HTR1A: variants seen among roughly 807,000 people sequenced by gnomAD.
The protein encoded by HTR1A is 5-HT1a receptor.
A neutral mutation model predicts 24.6 loss-of-function variants in HTR1A; 17 were observed. That is an observed-to-expected ratio of 0.69 (90% CI 0.47 to 1.04). The LOEUF (loss-of-function observed/expected upper bound fraction) is 1.04. Among genes scored for constraint, HTR1A ranks in the 50% least tolerant of loss-of-function variants. The pLI is 0.00. For synonymous variants in HTR1A, 262 were observed against 244.6 expected (o/e 1.07, Z -0.67); for missense variants, 515 against 565.1 (o/e 0.91, Z 0.90).
chr5:63,961,668 G>A lies in HTR1A; in HGVS notation c.52C>T (p.Pro18Ser), dbSNP rs769995349. 2.5e-5 allele frequency: 41 copies of A among 1,613,710 alleles called. No homozygotes were observed. The highest frequency in any genetic ancestry group is 3.4e-5 in the Non-Finnish European group (40 of 1,180,052). ...GTAGTGTTGCCGCCGGTCTCAAAGG[G>A]AGCCGGTGGTGATGTGGTGTTGTTG... Reference protein sequence around the residue: ...QGNNTTSPPAPFETGGNTTGI... With the variant: ...QGNNTTSPPASFETGGNTTGI... The change falls in exon 1 of 1, where the codon CCC becomes TCC. Residue 18 changes from proline to serine, a missense_variant. Pro to Ser is a moderately conservative substitution (Grantham distance 74). This residue lies in a region of HTR1A where 54 missense variants were observed against 49.8 expected (regional missense o/e 1.08). Coordinates refer to ENST00000323865, the MANE Select transcript of HTR1A (RefSeq NM_000524.4).
At position 63,961,184 on chromosome 5, in the gene HTR1A, T is replaced by C; in HGVS notation, c.536A>G (p.Glu179Gly). 2 of 1,614,074 alleles carry C rather than the reference T, an allele frequency of 1.2e-6. No homozygotes were observed. Among genetic ancestry groups the C allele is most frequent in the Non-Finnish European group, 1.7e-6 (2 of 1,180,024 alleles). ...GCATGCGTCGGGGTCCGAGCGGTCT[T>C]CCGGGGTGCGCCAGCCCAGCATGGG... ...IPPMLGWRTP[E>G]DRSDPDACTI... Residue 179 changes from glutamate to glycine, a missense_variant, in exon 1 of 1, where the codon GAA becomes GGA. Coordinates refer to ENST00000323865, the MANE Select transcript of HTR1A (RefSeq NM_000524.4).
At position 63,959,216 on chromosome 5, in the gene HTR1A, C is replaced by T. The variant is rs1345305646; in HGVS notation, c.*1235G>A. Among the ~76,000 whole-genome samples the T allele has an allele frequency of 6.6e-6, 1 of 152,244 alleles. No homozygotes were observed. ...TGGGGGAGCCAGCTGGAGCCTTGGGCACGCGCGCCCTGGGGAACCTTTCCT... is the reference window on the plus strand; with the variant it reads ...TGGGGGAGCCAGCTGGAGCCTTGGGTACGCGCGCCCTGGGGAACCTTTCCT... On this transcript the variant is annotated 3_prime_UTR_variant, in exon 1 of 1. Coordinates refer to ENST00000323865, the MANE Select transcript of HTR1A (RefSeq NM_000524.4).
Position 63,962,272 on chromosome 5 carries a change from CT to C in HTR1A, c.-554del. 1 of 182,574 alleles carries C rather than the reference CT, an allele frequency of 5.5e-6. No individual in the cohort carries two copies. The highest frequency in any genetic ancestry group is 1.2e-5 in the Non-Finnish European group (1 of 85,472). The allele number at this position is 182,574 out of a possible 1,614,324, so 11.3% of individuals were successfully genotyped here. ...CTTTCAGTCTCCCTCTTCCTCCTCA[CT>C]TCCCTTTATTTATCCCTCTGTGAGT... On this transcript the variant is annotated 5_prime_UTR_variant, in exon 1 of 1. Coordinates refer to ENST00000323865, the MANE Select transcript of HTR1A (RefSeq NM_000524.4).
Position 63,961,006 on chromosome 5 carries a change from C to A in HTR1A, c.714G>T (p.Ala238=). ...CGGGAGATGCTCCATGGCGGGTGTC[C>A]GCTCCGGTCTTCTCCACCTTTTTGA... is the stretch of plus-strand genomic sequence containing the variant. ...KTVKKVEKTG[A]DTRHGASPAP... Residue 238 remains alanine, a synonymous_variant, in exon 1 of 1, where the codon GCG becomes GCT. Coordinates refer to ENST00000323865, the MANE Select transcript of HTR1A (RefSeq NM_000524.4). 1.9e-6 allele frequency: 3 copies of A among 1,614,076 alleles called. No individual in the cohort carries two copies. Among genetic ancestry groups the A allele is most frequent in the Non-Finnish European group, 2.5e-6 (3 of 1,180,032 alleles).
Position 63,958,441 on chromosome 5 carries a change from TC to T in HTR1A, c.*2009del, listed in dbSNP as rs1467601375. Among the ~76,000 whole-genome samples the T allele has an allele frequency of 6.6e-6, 1 of 152,228 alleles. No individual in the cohort carries two copies. Among genetic ancestry groups the T allele is most frequent in the African/African-American group, 2.4e-5 (1 of 41,450 alleles). Reference sequence around the variant, plus strand: ...AAAATGGCTTCAACTGACAGAGCTGTCCTTTCACTTTCTTAATTATAAACAA... The same window carrying T: ...AAAATGGCTTCAACTGACAGAGCTGTCTTTCACTTTCTTAATTATAAACAA... On this transcript the variant is annotated 3_prime_UTR_variant, in exon 1 of 1. Transcript: ENST00000323865.
chr5:63,962,183 C>G lies in HTR1A; in HGVS notation c.-464G>C. 1 of 229,388 alleles carries G rather than the reference C, an allele frequency of 4.4e-6. No individual in the cohort carries two copies. Among genetic ancestry groups the G allele is most frequent in the South Asian group, 5.9e-5 (1 of 16,902 alleles). The allele number at this position is 229,388 out of a possible 1,614,324, so 14.2% of individuals were successfully genotyped here. The stretch of plus-strand genomic sequence containing the variant: ...CTATTTCCTTCCTTCCCTCTCTCCC[C>G]CTCTCTCCTCCTCTCTTCTCTCTCT... On this transcript the variant is annotated 5_prime_UTR_variant, in exon 1 of 1. Coordinates refer to ENST00000323865, the MANE Select transcript of HTR1A (RefSeq NM_000524.4).
chr5:63,960,877 C>A lies in HTR1A; in HGVS notation c.843G>T (p.Val281=). The A allele has an allele frequency of 6.2e-7, 1 of 1,614,030 alleles. No individual in the cohort carries two copies. The highest frequency in any genetic ancestry group is 2.2e-5 in the East Asian group (1 of 44,848). The change falls in exon 1 of 1, where the codon GTG becomes GTT. Residue 281 remains valine (V), a synonymous_variant. Transcript: ENST00000323865. The stretch of plus-strand genomic sequence containing the variant: ...GGGCGGCGCCATCGTCACCTTGCCT[C>A]ACCGCGCCATTGGCGCACAGAGCAC... ...AGGALCANGA[V]RQGDDGAALE...
chr5:63,961,203 G>C lies in HTR1A; in HGVS notation c.517C>G (p.Leu173Val). The C allele has an allele frequency of 6.2e-7, 1 of 1,614,148 alleles. No homozygotes were observed. The highest frequency in any genetic ancestry group is 8.5e-7 in the Non-Finnish European group (1 of 1,180,048). Residue 173 changes from leucine (L) to valine (V), a missense_variant, in exon 1 of 1, where the codon CTG becomes GTG. Physicochemically the swap from Leu to Val is conservative, Grantham distance 32. Transcript: ENST00000323865. ...CGGTCTTCCGGGGTGCGCCAGCCCA[G>C]CATGGGCGGGATAGAGATGAGGAAG... ...IGFLISIPPMLGWRTPEDRSD... is the reference protein window; with the variant it reads ...IGFLISIPPMVGWRTPEDRSD...
At position 63,959,473 on chromosome 5, in the gene HTR1A, C is replaced by G. The variant is rs964850781; in HGVS notation, c.*978G>C. 1.3e-5 allele frequency among the ~76,000 whole-genome samples: 2 copies of G among 152,274 alleles called. No homozygotes were observed. The highest frequency in any genetic ancestry group is 2.9e-5 in the Non-Finnish European group (2 of 68,050). Reference sequence around the variant, plus strand: ...GGGGAGGCGCGCGGATTCCAGGCCTCTCAGCTTCCCCAGAGCGCAAACAGC... The same window carrying G: ...GGGGAGGCGCGCGGATTCCAGGCCTGTCAGCTTCCCCAGAGCGCAAACAGC... On this transcript the variant is annotated 3_prime_UTR_variant, in exon 1 of 1. Transcript: ENST00000323865.
chr5:63,958,821 G>A lies in HTR1A; in HGVS notation c.*1630C>T, dbSNP rs892635185. ...TGCTGCACAATTCAAAGGGCAAAAAGGTGGTTTCCGCAGACCCTTGGTACA... is the reference window on the plus strand; with the variant it reads ...TGCTGCACAATTCAAAGGGCAAAAAAGTGGTTTCCGCAGACCCTTGGTACA... On this transcript the variant is annotated 3_prime_UTR_variant, in exon 1 of 1. Transcript: ENST00000323865. Among the ~76,000 whole-genome samples, 1 of 151,988 alleles carries A rather than the reference G, an allele frequency of 6.6e-6. No individual in the cohort carries two copies. Among genetic ancestry groups the A allele is most frequent in the Non-Finnish European group, 1.5e-5 (1 of 67,912 alleles).
Position 63,958,236 on chromosome 5 carries a change from T to C in HTR1A, c.*2215A>G, listed in dbSNP as rs539152148. 6.6e-6 allele frequency among the ~76,000 whole-genome samples: 1 copy of C among 152,380 alleles called. No homozygotes were observed. Among genetic ancestry groups the C allele is most frequent in the African/African-American group, 2.4e-5 (1 of 41,590 alleles). ...TGAATTATCAAATGAGTAATAGTTGTGCTGGAGAAGTCTATCTTATCTTCT... is the reference window on the plus strand; with the variant it reads ...TGAATTATCAAATGAGTAATAGTTGCGCTGGAGAAGTCTATCTTATCTTCT... On this transcript the variant is annotated 3_prime_UTR_variant, in exon 1 of 1. Coordinates refer to ENST00000323865, the MANE Select transcript of HTR1A (RefSeq NM_000524.4).
rs1025393156 is a variant in HTR1A at position 63,959,199 on chromosome 5, C to G, written c.*1252G>C. On this transcript the variant is annotated 3_prime_UTR_variant, in exon 1 of 1. Transcript: ENST00000323865. ...GCTCTTTCAGGTTTTACTGGGGGAGCCAGCTGGAGCCTTGGGCACGCGCGC... is the reference window on the plus strand; with the variant it reads ...GCTCTTTCAGGTTTTACTGGGGGAGGCAGCTGGAGCCTTGGGCACGCGCGC... Among the ~76,000 whole-genome samples, 30 of 152,216 alleles carry G rather than the reference C, an allele frequency of 2.0e-4. No homozygotes were observed. The highest frequency in any genetic ancestry group is 2.4e-4 in the Non-Finnish European group (16 of 68,032).
In HTR1A at chr5:63,959,222, C is replaced by G. The variant is rs149059924; in HGVS notation, c.*1229G>C. Among the ~76,000 whole-genome samples, 11 of 152,350 alleles carry G rather than the reference C, an allele frequency of 7.2e-5. No homozygotes were observed. In the East Asian group the frequency reaches 2.1e-3, roughly 29 times the overall value. On this transcript the variant is annotated 3_prime_UTR_variant, in exon 1 of 1. Transcript: ENST00000323865. ...AGCCAGCTGGAGCCTTGGGCACGCG[C>G]GCCCTGGGGAACCTTTCCTCTTTGC... is the stretch of plus-strand genomic sequence containing the variant.
In HTR1A at chr5:63,960,697, C is replaced by T. The variant is rs1386635764; in HGVS notation, c.1023G>A (p.Arg341=). 6.2e-7 allele frequency: 1 copy of T among 1,614,234 alleles called. No homozygotes were observed. The highest frequency in any genetic ancestry group is 8.5e-7 in the Non-Finnish European group (1 of 1,180,048). Reference sequence around the variant, plus strand: ...TGATGCCCAGCGTCTTCACTGTCTTCCTCTCTCGGGCCAGGGCCATCTTGC... The same window carrying T: ...TGATGCCCAGCGTCTTCACTGTCTTTCTCTCTCGGGCCAGGGCCATCTTGC... ...AKRKMALARE[R]KTVKTLGIIM... Residue 341 remains arginine (R), a synonymous_variant, in exon 1 of 1, where the codon AGG becomes AGA. Coordinates refer to ENST00000323865, the MANE Select transcript of HTR1A (RefSeq NM_000524.4).
At position 63,961,644 on chromosome 5, in the gene HTR1A, T is replaced by C. The variant is rs1157172126; in HGVS notation, c.76A>G (p.Thr26Ala). The part of the protein sequence containing the change: ...PAPFETGGNT[T>A]GISDVTVSYQ... ...CTGACGGTCACGTCGGAGATACCAG[T>C]AGTGTTGCCGCCGGTCTCAAAGGGA... The change falls in exon 1 of 1, where the codon ACT becomes GCT. Residue 26 changes from threonine to alanine, a missense_variant. By Grantham distance (58) the Thr-to-Ala change is moderately conservative. Transcript: ENST00000323865. 25 of 1,613,710 alleles carry C rather than the reference T, an allele frequency of 1.5e-5. No individual in the cohort carries two copies. Among genetic ancestry groups the C allele is most frequent in the Non-Finnish European group, 2.0e-5 (24 of 1,180,002 alleles).
At position 63,961,691 on chromosome 5, in the gene HTR1A, T is replaced by G; in HGVS notation, c.29A>C (p.Asn10Thr). The change falls in exon 1 of 1, where the codon AAC becomes ACC. Residue 10 changes from asparagine to threonine, a missense_variant. By Grantham distance (65) the Asn-to-Thr change is moderately conservative. Around this residue, in one of 3 missense-constraint regions of HTR1A, gnomAD observed 54 missense variants for 49.8 expected, o/e 1.08. Transcript: ENST00000323865. ...GGGAGCCGGTGGTGATGTGGTGTTG[T>G]TGCCCTGACCAGGGCTGAGCACATC... The part of the protein sequence containing the change: MDVLSPGQG[N>T]NTTSPPAPFE... The G allele has an allele frequency of 6.2e-7, 1 of 1,613,774 alleles. No individual in the cohort carries two copies. The highest frequency in any genetic ancestry group is 8.5e-7 in the Non-Finnish European group (1 of 1,180,034).
chr5:63,960,335 CAG>C lies in HTR1A; in HGVS notation c.*114_*115del. 9.0e-7 allele frequency: 1 copy of C among 1,112,148 alleles called. No individual in the cohort carries two copies. Among genetic ancestry groups the C allele is most frequent in the East Asian group, 2.4e-5 (1 of 42,456 alleles). The allele number at this position is 1,112,148 out of a possible 1,614,324, so 68.9% of individuals were successfully genotyped here. Reference sequence around the variant, plus strand: ...CCAGGTCTGCAAGCCGTGAGCGGAGCAGAGAGAAAGAGGAGAAGTGGCGAATT... The same window carrying C: ...CCAGGTCTGCAAGCCGTGAGCGGAGCAGAGAAAGAGGAGAAGTGGCGAATT... On this transcript the variant is annotated 3_prime_UTR_variant, in exon 1 of 1. Transcript: ENST00000323865.
Position 63,961,099 on chromosome 5 carries a change from C to A in HTR1A, c.621G>T (p.Pro207=). ...IYSTFGAFYI[P]LLLMLVLYGR... is the part of the protein sequence containing the mutation. The stretch of plus-strand genomic sequence containing the variant: ...CATAGAGAACCAGCATGAGCAGCAG[C>A]GGGATGTAGAAAGCTCCAAAGGTGG... Residue 207 remains proline (P), a synonymous_variant, in exon 1 of 1, where the codon CCG becomes CCT. Transcript: ENST00000323865. The A allele has an allele frequency of 3.1e-6, 5 of 1,614,246 alleles. No homozygotes were observed. Among genetic ancestry groups the A allele is most frequent in the Non-Finnish European group, 4.2e-6 (5 of 1,180,048 alleles).
At position 63,961,202 on chromosome 5, in the gene HTR1A, A is replaced by ATCTCTAT; in HGVS notation, c.517_518insATAGAGA (p.Leu173HisfsTer20). 1 of 1,614,136 alleles carries ATCTCTAT rather than the reference A, an allele frequency of 6.2e-7. No homozygotes were observed. Among genetic ancestry groups the ATCTCTAT allele is most frequent in the Non-Finnish European group, 8.5e-7 (1 of 1,180,038 alleles). On this transcript the variant is annotated frameshift_variant, in exon 1 of 1. Coordinates refer to ENST00000323865, the MANE Select transcript of HTR1A (RefSeq NM_000524.4). LOFTEE classifies it high-confidence loss of function. ...GCGGTCTTCCGGGGTGCGCCAGCCCAGCATGGGCGGGATAGAGATGAGGAA... is the reference window on the plus strand; with the variant it reads ...GCGGTCTTCCGGGGTGCGCCAGCCCATCTCTATGCATGGGCGGGATAGAGATGAGGAA...
Sources: gnomAD v4.1 joint callset for allele counts (sites outside exome capture counted in the v4.1 genomes callset) on GRCh38, gnomAD v4.1.1 for gene constraint, gnomAD v4.1.1 regional missense constraint, MANE v1.5 for transcripts, NCBI Gene and HGNC (gene_info 2026-07-23, HGNC 2026-07-21) for gene names.